The following UBE2E2 variants were observed in gnomAD, a reference collection of about 807,000 sequenced individuals.
The protein encoded by UBE2E2 is ubiquitin-conjugating enzyme E2 E2.
In UBE2E2, 6 loss-of-function variants were observed where a neutral mutation model predicts 24.7. The observed-to-expected ratio is 0.24, with a 90% CI of 0.13 to 0.48. The LOEUF (loss-of-function observed/expected upper bound fraction) is 0.48. Among genes scored for constraint, UBE2E2 ranks in the 20% least tolerant of loss-of-function variants. UBE2E2 has a pLI of 0.99. For missense variants in UBE2E2, 169 were observed against 245.0 expected (o/e 0.69, Z 2.07); for synonymous variants, 104 against 83.6 (o/e 1.24, Z -1.33).
intron 3 of UBE2E2, among the ~76,000 whole-genome samples, chr3:23,478,709 C>A (rs1313015646): frequency 6.6e-6 from 1 of 152,050 alleles, no homozygotes; most frequent in East Asian, 1.9e-4. Context: ...CATCCTTTTA[C>A]CTATTATGTG....
intron 3 of UBE2E2, among the ~76,000 whole-genome samples, chr3:23,379,212 C>T (rs1032806853): frequency 6.6e-6 from 1 of 151,530 alleles, no homozygotes; most frequent in Non-Finnish European, 1.5e-5. Flanking sequence ...CACCATGTTT[C>T]TTCAAGATTA....
chr3:23,537,016 G>A lies in UBE2E2; in HGVS notation c.508+4315G>A, dbSNP rs534496368. Among the ~76,000 whole-genome samples the A allele has an allele frequency of 1.3e-4, 20 of 152,244 alleles. No homozygotes were observed. In the South Asian group the frequency reaches 2.7e-3, roughly 21 times the overall value. On this transcript the variant is annotated intron_variant, in intron 5 of 5. Transcript: ENST00000396703. ...TGATCTAAACAAGGGTTAATTTCCC[G>A]TGGCATACAGTACTTCATTTTGCTT... is the stretch of plus-strand genomic sequence containing the variant.
At chr3:23,503,928 G>A (rs1694367529) in intron 4 of UBE2E2, among the ~76,000 whole-genome samples, 1 of 152,056 alleles carries the variant, frequency 6.6e-6, no homozygotes, top group South Asian at 2.1e-4. Context: ...AGTTTAATAT[G>A]TAAGTATTTT....
At chr3:23,329,667 C>T (rs1695008005) in intron 3 of UBE2E2, among the ~76,000 whole-genome samples, 1 of 152,246 alleles carries the variant, frequency 6.6e-6, no homozygotes, top group Admixed American at 6.5e-5. Flanking sequence ...TGGATGGCGG[C>T]ACAGTTGTTC....
At chr3:23,522,840 A>G (rs1694900457) in intron 4 of UBE2E2, among the ~76,000 whole-genome samples, 1 of 152,172 alleles carries the variant, frequency 6.6e-6, no homozygotes, top group African/African-American at 2.4e-5. Flanking sequence ...GCCCATGAAG[A>G]TGCAAATGCA....
intron 4 of UBE2E2, among the ~76,000 whole-genome samples, chr3:23,501,709 C>T (rs1487393238): frequency 2.0e-5 from 3 of 152,056 alleles, no homozygotes; most frequent in Non-Finnish European, 4.4e-5. Flanking sequence ...TGTCAGTTAC[C>T]GGGAAGTAGA....
At chr3:23,325,140 T>G (rs1694848140) in intron 3 of UBE2E2, among the ~76,000 whole-genome samples, 1 of 152,204 alleles carries the variant, frequency 6.6e-6, no homozygotes. Flanking sequence ...AGGCACACAT[T>G]ACTTTTGATC....
chr3:23,576,250 C>T (rs1696344517), intron 5 of UBE2E2, among the ~76,000 whole-genome samples: 1 of 152,028 alleles, frequency 6.6e-6, no homozygotes, highest in African/African-American at 2.4e-5. Flanking sequence ...TTAATTATTT[C>T]TCTCATTTTA....
intron 4 of UBE2E2, among the ~76,000 whole-genome samples, chr3:23,516,093 C>A (rs1331977959): frequency 6.6e-6 from 1 of 152,176 alleles, no homozygotes; most frequent in Non-Finnish European, 1.5e-5. Flanking sequence ...AGCTAACCTG[C>A]AGGTGGAAAT....
chr3:23,331,949 T>G (rs543053628), intron 3 of UBE2E2, among the ~76,000 whole-genome samples: 2 of 152,348 alleles, frequency 1.3e-5, no homozygotes, highest in East Asian at 1.9e-4. Context: ...TTTAAAATTT[T>G]TTTTAAAAGA....
chr3:23,241,886 T>A lies in UBE2E2; in HGVS notation c.227+24574T>A, dbSNP rs185554071. ...CCTGCCACATCTTCCCTATCATTTA[T>A]ACCTCTCCCCAAGCCTGATGTTTTT... is the stretch of plus-strand genomic sequence containing the variant. On this transcript the variant is annotated intron_variant, in intron 3 of 5. Transcript: ENST00000396703. Among the ~76,000 whole-genome samples the A allele has an allele frequency of 2.9e-3, 435 of 152,296 alleles. 6 individuals carry two copies. The highest frequency in any genetic ancestry group is 7.9e-3 in the South Asian group (38 of 4,826).
chr3:23,394,897 T>C (rs1052074271), intron 3 of UBE2E2, among the ~76,000 whole-genome samples: 2 of 152,210 alleles, frequency 1.3e-5, no homozygotes, highest in Non-Finnish European at 2.9e-5. Flanking sequence ...GATTTTGCTA[T>C]TGTTACACCA....
chr3:23,539,710 T>C (rs1011327115), intron 5 of UBE2E2, among the ~76,000 whole-genome samples: 1 of 152,196 alleles, frequency 6.6e-6, no homozygotes, highest in African/African-American at 2.4e-5. Context: ...TACAGAGTTG[T>C]TCACGCATCC....
At chr3:23,569,633 C>G (rs1442263405) in intron 5 of UBE2E2, among the ~76,000 whole-genome samples, 3 of 152,148 alleles carry the variant, frequency 2.0e-5, no homozygotes, top group Non-Finnish European at 4.4e-5. Context: ...AAGTCCTCTA[C>G]TGTAAGGATA....
intron 5 of UBE2E2, among the ~76,000 whole-genome samples, chr3:23,560,044 C>A (rs1695883614): frequency 6.6e-6 from 1 of 151,978 alleles, no homozygotes. Context: ...AAATATCTTT[C>A]TTTTTATATA....
intron 3 of UBE2E2, among the ~76,000 whole-genome samples, chr3:23,371,974 C>T (rs974823828): frequency 6.6e-6 from 1 of 151,958 alleles, no homozygotes; most frequent in East Asian, 1.9e-4. Flanking sequence ...AAAAATTAGC[C>T]GGCTGTGGTG....
rs181436741 is a variant in UBE2E2 at position 23,469,167 on chromosome 3, A to G, written c.228-30441A>G. ...CTCTGTTCTGGGTTACAGACTACCAACTTATCACTGGATCCTCTCATGGCA... is the reference window on the plus strand; with the variant it reads ...CTCTGTTCTGGGTTACAGACTACCAGCTTATCACTGGATCCTCTCATGGCA... On this transcript the variant is annotated intron_variant, in intron 3 of 5. Coordinates refer to ENST00000396703, the MANE Select transcript of UBE2E2 (RefSeq NM_152653.4). Among the ~76,000 whole-genome samples the G allele has an allele frequency of 1.4e-4, 21 of 152,286 alleles. No homozygotes were observed. The East Asian group carries it at 3.3e-3, about 24-fold the overall frequency.
At chr3:23,464,362 A>ACCC in intron 3 of UBE2E2, among the ~76,000 whole-genome samples, 1 of 152,142 alleles carries the variant, frequency 6.6e-6, no homozygotes, top group African/African-American at 2.4e-5. Context: ...GCAGTAAACT[A>ACCC]TATTGGTTGC....
intron 3 of UBE2E2, among the ~76,000 whole-genome samples, chr3:23,485,209 T>C (rs540807039): frequency 1.3e-5 from 2 of 149,184 alleles, no homozygotes; most frequent in African/African-American, 4.9e-5. Flanking sequence ...TCCCAAGTAA[T>C]CTCAGCCTCC....
Sources: allele counts gnomAD v4.1 joint callset (sites outside exome capture counted in the v4.1 genomes callset), GRCh38; gene constraint gnomAD v4.1.1; transcripts MANE v1.5; gene names NCBI Gene and HGNC (gene_info 2026-07-23, HGNC 2026-07-21).